The following BACH2 variants were observed in gnomAD, a reference collection of about 807,000 sequenced individuals.
The protein encoded by BACH2 is BACH transcriptional regulator 2.
A neutral mutation model predicts 61.8 loss-of-function variants in BACH2; 5 were observed. That is an observed-to-expected ratio of 0.08 (90% confidence interval 0.04 to 0.17). The LOEUF (loss-of-function observed/expected upper bound fraction) is 0.17, where lower values mean the gene tolerates loss of function less well. Among genes scored for constraint, BACH2 ranks in the 10% least tolerant of loss-of-function variants. The probability of loss-of-function intolerance (pLI) is 1.00; values close to 1 mark genes in which losing one functional copy is unlikely to be tolerated. For synonymous variants in BACH2, 446 were observed against 440.1 expected (o/e 1.01, Z -0.17); for missense variants, 824 against 1,091.1 (o/e 0.76, Z 3.45).
chr6:90,116,521 T>C (rs1783406182), intron 4 of BACH2, among the ~76,000 whole-genome samples: 2 of 152,164 alleles, frequency 1.3e-5, no homozygotes, highest in South Asian at 4.2e-4. Context: ...GAAAGTAGCA[T>C]AACTGGGTGA....
At chr6:89,966,819 G>C (rs1464454496) in intron 6 of BACH2, among the ~76,000 whole-genome samples, 1 of 152,202 alleles carries the variant, frequency 6.6e-6, no homozygotes, top group Non-Finnish European at 1.5e-5. Context: ...GGGAAGAGCA[G>C]TGTGTCCAGG....
chr6:90,173,833 C>T (rs1248631837), intron 4 of BACH2, among the ~76,000 whole-genome samples: 3 of 152,092 alleles, frequency 2.0e-5, no homozygotes, highest in Admixed American at 2.0e-4. Context: ...GAAAATTATA[C>T]CTTAATAAAG....
chr6:90,053,900 C>A (rs1016677985), intron 5 of BACH2, among the ~76,000 whole-genome samples: 30 of 152,016 alleles, frequency 2.0e-4, no homozygotes, highest in African/African-American at 7.3e-4. Flanking sequence ...GTTGTGAAGG[C>A]CTTTTTATTT....
At chr6:90,218,253 T>C (rs1304413193) in intron 3 of BACH2, 5 of 152,158 alleles carry the variant, frequency 3.3e-5, no homozygotes, top group Non-Finnish European at 7.3e-5. Flanking sequence ...TGGTGGGTGT[T>C]GCTCTAAAAA....
At chr6:90,030,418 G>C (rs887785433) in intron 5 of BACH2, among the ~76,000 whole-genome samples, 6 of 151,894 alleles carry the variant, frequency 4.0e-5, no homozygotes, top group African/African-American at 1.5e-4. Flanking sequence ...AGACCAGCAG[G>C]GTTTTTTGAA....
chr6:90,127,793 G>A (rs1194795020), intron 4 of BACH2, among the ~76,000 whole-genome samples: 1 of 152,216 alleles, frequency 6.6e-6, no homozygotes, highest in Admixed American at 6.5e-5. Flanking sequence ...CGTTTGAACA[G>A]TTCCTGCTGA....
At chr6:90,201,261 C>T (rs564869593) in intron 4 of BACH2, among the ~76,000 whole-genome samples, 6 of 152,308 alleles carry the variant, frequency 3.9e-5, no homozygotes, top group Admixed American at 3.9e-4. Context: ...GGCGTTGATA[C>T]ACCTTATTTA....
chr6:90,256,246 G>T, intron 2 of BACH2, among the ~76,000 whole-genome samples: 1 of 152,156 alleles, frequency 6.6e-6, no homozygotes, highest in East Asian at 1.9e-4. Context: ...GCTGGGCCAC[G>T]TTTTCCAGCC....
In BACH2 at chr6:90,283,342, T is replaced by C. The variant is rs559529177; in HGVS notation, c.-445-11401A>G. ...AGTGAACAGAAGTCCTACTCACTTT[T>C]TTTTCCAACAATAAGTGAAAGACCC... On this transcript the variant is annotated intron_variant, in intron 1 of 8. Transcript: ENST00000257749. Among the ~76,000 whole-genome samples the C allele has an allele frequency of 2.0e-5, 3 of 152,294 alleles. No individual in the cohort carries two copies. In the South Asian group the frequency reaches 6.2e-4, roughly 32 times the overall value.
intron 4 of BACH2, among the ~76,000 whole-genome samples, chr6:90,172,380 G>A (rs1222884734): frequency 1.3e-5 from 2 of 150,752 alleles, no homozygotes; most frequent in Non-Finnish European, 3.0e-5. Context: ...GAGATGTAAA[G>A]GGCAGAATGT....
Position 90,164,468 on chromosome 6 carries a change from G to T in BACH2, c.-162+42101C>A, listed in dbSNP as rs909854839. On this transcript the variant is annotated intron_variant, in intron 4 of 8. Transcript: ENST00000257749. The stretch of plus-strand genomic sequence containing the variant: ...TCCAGGACCAGATGGATTCACAGCT[G>T]AATTCTACCAGAGGTACAAGGAGGA... Among the ~76,000 whole-genome samples the T allele has an allele frequency of 3.3e-5, 5 of 150,802 alleles. No homozygotes were observed. The East Asian group carries it at 7.7e-4, about 23-fold the overall frequency.
Position 89,938,370 on chromosome 6 carries a change from A to G in BACH2, c.1837-20T>C, listed in dbSNP as rs1018870332. 1 of 1,594,274 alleles carries G rather than the reference A, an allele frequency of 6.3e-7. No homozygotes were observed. The highest frequency in any genetic ancestry group is 1.3e-5 in the African/African-American group (1 of 74,484). ...TTTTACCTGAAACCAAGAATAACAG[A>G]AAATGATTATGGCAGCTGGATTTTA... On this transcript the variant is annotated intron_variant, in intron 7 of 8. Transcript: ENST00000257749.
At chr6:90,223,319 A>G (rs1038971737) in intron 3 of BACH2, among the ~76,000 whole-genome samples, 2 of 152,238 alleles carry the variant, frequency 1.3e-5, no homozygotes, top group African/African-American at 4.8e-5. Flanking sequence ...AGGAGACAAA[A>G]CAAATTACAA....
chr6:89,933,657 G>T (rs373871599), intron 8 of BACH2, among the ~76,000 whole-genome samples: 1 of 152,124 alleles, frequency 6.6e-6, no homozygotes, highest in Non-Finnish European at 1.5e-5. Context: ...TGTATAGTGT[G>T]TTCAGTTTTG....
intron 1 of BACH2, among the ~76,000 whole-genome samples, chr6:90,288,553 A>C (rs2057782497): frequency 6.6e-6 from 1 of 152,146 alleles, no homozygotes; most frequent in African/African-American, 2.4e-5. Flanking sequence ...CTGAGTCAGC[A>C]TTCTAAACAG....
chr6:90,283,053 T>G (rs1401165367), intron 1 of BACH2, among the ~76,000 whole-genome samples: 1 of 152,190 alleles, frequency 6.6e-6, no homozygotes, highest in African/African-American at 2.4e-5. Flanking sequence ...ATCCAGAGAG[T>G]GTGTAATCAT....
chr6:89,991,558 T>C (rs1043968971), intron 6 of BACH2, among the ~76,000 whole-genome samples: 1 of 152,192 alleles, frequency 6.6e-6, no homozygotes, highest in African/African-American at 2.4e-5. Flanking sequence ...ATTTAACCAC[T>C]AAATACTTCT....
At chr6:89,947,302 C>T (rs13219796) in intron 7 of BACH2, among the ~76,000 whole-genome samples, 13,268 of 152,178 alleles carry the variant, frequency 0.087, 658 homozygotes, top group East Asian at 0.17. Flanking sequence ...GGGGATAATA[C>T]TTCAACCAGG....
At chr6:90,024,117 G>A (rs1308522526) in intron 5 of BACH2, among the ~76,000 whole-genome samples, 1 of 149,910 alleles carries the variant, frequency 6.7e-6, no homozygotes, top group African/African-American at 2.5e-5. Context: ...TTATACATTT[G>A]TTTTATGCAC....
Sources: gnomAD v4.1 joint callset for allele counts (sites outside exome capture counted in the v4.1 genomes callset) on GRCh38, gnomAD v4.1.1 for gene constraint, MANE v1.5 for transcripts, NCBI Gene and HGNC (gene_info 2026-07-23, HGNC 2026-07-21) for gene names.